NGEF: variants seen among roughly 807,000 people sequenced by gnomAD.
The protein encoded by NGEF is neuronal guanine nucleotide exchange factor.
Under a neutral mutation model 80.9 loss-of-function variants are expected in NGEF, and 31 were observed. The observed-to-expected ratio is 0.38, with a 90% CI of 0.29 to 0.52. The LOEUF (loss-of-function observed/expected upper bound fraction) is 0.52, where lower values mean the gene tolerates loss of function less well. Ranked by LOEUF, NGEF falls within the 20% of genes least tolerant of loss-of-function variation. NGEF has a pLI of 0.84. For synonymous variants in NGEF, 371 were observed against 370.2 expected (o/e 1.00, Z -0.03); for missense variants, 709 against 926.2 (o/e 0.77, Z 3.04).
intron 3 of NGEF, among the ~76,000 whole-genome samples, chr2:232,944,441 T>C (rs1292619216): frequency 1.3e-5 from 2 of 152,034 alleles, no homozygotes; most frequent in Non-Finnish European, 2.9e-5. Context: ...ACTGGTTGAA[T>C]GAACCATGGT....
chr2:232,951,883 T>C (rs1693686190), intron 3 of NGEF, among the ~76,000 whole-genome samples: 1 of 152,338 alleles, frequency 6.6e-6, no homozygotes, highest in Admixed American at 6.5e-5. Flanking sequence ...AGGTTTATTT[T>C]TTTTTTATAG....
chr2:232,934,858 A>G (rs575005998), intron 3 of NGEF, among the ~76,000 whole-genome samples: 2 of 152,020 alleles, frequency 1.3e-5, no homozygotes, highest in South Asian at 4.2e-4. Flanking sequence ...AAATGACAAA[A>G]TTAGCCAGGC....
chr2:232,962,752 A>G (rs893788995), intron 3 of NGEF, among the ~76,000 whole-genome samples: 2 of 151,980 alleles, frequency 1.3e-5, no homozygotes, highest in Non-Finnish European at 2.9e-5. Flanking sequence ...AAAAACTACA[A>G]ATCATTGCTG....
chr2:233,002,399 C>T (rs923021854), intron 1 of NGEF, among the ~76,000 whole-genome samples: 1 of 152,050 alleles, frequency 6.6e-6, no homozygotes, highest in African/African-American at 2.4e-5. Context: ...TAAATGTGGC[C>T]AGACGTGGTG....
At chr2:232,937,155 A>T (rs977203633) in intron 3 of NGEF, among the ~76,000 whole-genome samples, 1 of 151,960 alleles carries the variant, frequency 6.6e-6, no homozygotes, top group Non-Finnish European at 1.5e-5. Flanking sequence ...TTTAGTAGAG[A>T]TGGGGTTTCA....
At chr2:232,904,791 T>G (rs1692451414) in intron 5 of NGEF, among the ~76,000 whole-genome samples, 1 of 151,820 alleles carries the variant, frequency 6.6e-6, no homozygotes, top group African/African-American at 2.4e-5. Context: ...AAAAAATTTT[T>G]AAAGATTAGC....
At chr2:232,905,336 G>A (rs1440664063) in intron 5 of NGEF, among the ~76,000 whole-genome samples, 1 of 151,204 alleles carries the variant, frequency 6.6e-6, no homozygotes, top group African/African-American at 2.4e-5. Context: ...GCTCCTAACC[G>A]CGAGTGATCC....
chr2:232,975,700 A>G lies in NGEF; in HGVS notation c.-74-736T>C, dbSNP rs199873437. 1.1e-4 allele frequency among the ~76,000 whole-genome samples: 16 copies of G among 152,208 alleles called. No individual in the cohort carries two copies. In the East Asian group the frequency reaches 3.1e-3, roughly 29 times the overall value. Reference sequence around the variant, plus strand: ...CTAGGGTAGGGGTGCTCAGGGCGAGAGACTATGTGGACCCTCTTAGTGGGT... The same window carrying G: ...CTAGGGTAGGGGTGCTCAGGGCGAGGGACTATGTGGACCCTCTTAGTGGGT... On this transcript the variant is annotated intron_variant, in intron 1 of 14. Transcript: ENST00000264051.
intron 8 of NGEF, among the ~76,000 whole-genome samples, 200 bp from the exon 9 acceptor site, chr2:232,888,307 TGCTC>T (rs978332992): frequency 8.6e-5 from 13 of 150,920 alleles, no homozygotes; most frequent in South Asian, 2.1e-4. Context: ...CGTGCATACA[TGCTC>T]GCACACACAT....
chr2:233,004,420 G>A (rs1695045649), intron 1 of NGEF, among the ~76,000 whole-genome samples: 1 of 152,198 alleles, frequency 6.6e-6, no homozygotes. Flanking sequence ...CGCAGCAGCA[G>A]CACTTCTTGG....
chr2:232,879,792 G>A, intron 14 of NGEF, 113 bp from the exon 15 acceptor site: 4 of 988,186 alleles, frequency 4.0e-6, no homozygotes, highest in Non-Finnish European at 5.9e-6. Flanking sequence ...GGGTCCAGCT[G>A]GCCTTTCCCA....
At chr2:232,888,488 TAC>T (rs1228748430) in intron 8 of NGEF, among the ~76,000 whole-genome samples, 14 of 151,354 alleles carry the variant, frequency 9.2e-5, no homozygotes, top group South Asian at 8.4e-4. Context: ...CACACACATG[TAC>T]ACACGTGTAC....
intron 3 of NGEF, among the ~76,000 whole-genome samples, chr2:232,945,158 G>T (rs1215002854): frequency 6.6e-6 from 1 of 151,894 alleles, no homozygotes; most frequent in African/African-American, 2.4e-5. Context: ...CAAAACAAAT[G>T]AACCTAAGTG....
At chr2:232,902,090 T>G (rs950323963) in intron 5 of NGEF, among the ~76,000 whole-genome samples, 2 of 152,190 alleles carry the variant, frequency 1.3e-5, no homozygotes, top group African/African-American at 4.8e-5. Context: ...CTCCACTCTC[T>G]GCTCCTGCCC....
At chr2:232,906,559 G>A (rs1477327654) in intron 5 of NGEF, among the ~76,000 whole-genome samples, 3 of 56,068 alleles carry the variant, frequency 5.4e-5, no homozygotes, top group Admixed American at 1.9e-4. Flanking sequence ...CGCCCCGTCC[G>A]GGAGGTGAGG....
At chr2:232,983,527 A>C (rs1694479870) in intron 1 of NGEF, among the ~76,000 whole-genome samples, 1 of 152,190 alleles carries the variant, frequency 6.6e-6, no homozygotes, top group Non-Finnish European at 1.5e-5. Flanking sequence ...AGAGGCCTGC[A>C]GGAGGGAAGC....
chr2:232,945,388 A>T (rs1164302216), intron 3 of NGEF, among the ~76,000 whole-genome samples: 1 of 152,152 alleles, frequency 6.6e-6, no homozygotes, highest in Admixed American at 6.6e-5. Context: ...CTTGACTTGG[A>T]AATAGGATCC....
chr2:232,906,782 G>T lies in NGEF; in HGVS notation c.829-11866C>A, dbSNP rs12996094. On this transcript the variant is annotated intron_variant, in intron 5 of 14. Transcript: ENST00000264051. ...AAAGATTGAGAAATCGGATGGTTGC[G>T]GTGTCTGTGTAGAAAGTAGTAGACA... Among the ~76,000 whole-genome samples the T allele has an allele frequency of 4.3e-3, 643 of 148,606 alleles. 4 individuals carry two copies. Among genetic ancestry groups the T allele is most frequent in the African/African-American group, 0.013 (524 of 40,124 alleles).
Position 232,892,719 on chromosome 2 carries a change from G to A in NGEF, c.1142+179C>T, listed in dbSNP as rs1194494147. ...TAGTGACACCAATACACCCTAGAAC[G>A]TGCTGGGTTGGGACACTGTCACCAG... On this transcript the variant is annotated intron_variant, in intron 7 of 14. Transcript: ENST00000264051. This position sits in a 1 kb window ranked among gnomAD's most constrained non-coding sequence, Gnocchi z 4.0. 6.6e-6 allele frequency among the ~76,000 whole-genome samples: 1 copy of A among 152,162 alleles called. No homozygotes were observed. Among genetic ancestry groups the A allele is most frequent in the Non-Finnish European group, 1.5e-5 (1 of 68,036 alleles).
Sources: allele counts gnomAD v4.1 joint callset (sites outside exome capture counted in the v4.1 genomes callset), GRCh38; gene constraint gnomAD v4.1.1; non-coding constraint Gnocchi (gnomAD v3.1); transcripts MANE v1.5; gene names NCBI Gene and HGNC (gene_info 2026-07-23, HGNC 2026-07-21).